Variants in ADCY9 observed in about 807,000 individuals in gnomAD.
ADCY9 encodes the protein adenylate cyclase type 9.
ADCY9 carries 50 observed loss-of-function variants against 101.5 expected under a neutral mutation model. The ratio of observed to expected loss-of-function variants is 0.49; its 90% CI spans 0.39 to 0.62. The LOEUF is 0.62. Among genes scored for constraint, ADCY9 ranks in the 20% least tolerant of loss-of-function variants. The pLI, the probability that ADCY9 is intolerant of heterozygous loss-of-function variation, is 0.00. For missense variants in ADCY9, 1,662 were observed against 1,800.4 expected (o/e 0.92, Z 1.39); for synonymous variants, 905 against 769.3 (o/e 1.18, Z -2.92).
At chr16:4,113,080 T>C (rs948137566) in intron 2 of ADCY9, among the ~76,000 whole-genome samples, 1 of 151,446 alleles carries the variant, frequency 6.6e-6, no homozygotes, top group African/African-American at 2.4e-5. Flanking sequence ...CTGGAGAAGC[T>C]CAATATGAAG....
At chr16:4,026,560 A>C (rs143437810) in intron 2 of ADCY9, among the ~76,000 whole-genome samples, 5 of 152,138 alleles carry the variant, frequency 3.3e-5, no homozygotes, top group African/African-American at 1.2e-4. Flanking sequence ...TAGCGGCACT[A>C]TTCATAATTG....
At chr16:4,046,579 A>C (rs902933042) in intron 2 of ADCY9, among the ~76,000 whole-genome samples, 6 of 152,186 alleles carry the variant, frequency 3.9e-5, no homozygotes, top group African/African-American at 1.4e-4. Flanking sequence ...AAACTTGTCT[A>C]CTTCATGAAA....
At chr16:4,087,955 C>G (rs1243838013) in intron 2 of ADCY9, among the ~76,000 whole-genome samples, 1 of 148,440 alleles carries the variant, frequency 6.7e-6, no homozygotes, top group East Asian at 2.0e-4. Context: ...TGTTTTTTTG[C>G]GACAGAGTCT....
At chr16:3,991,979 G>T (rs982350074) in intron 5 of ADCY9, among the ~76,000 whole-genome samples, 167 bp downstream of exon 5, 6 of 152,040 alleles carry the variant, frequency 3.9e-5, no homozygotes, top group African/African-American at 1.4e-4. Context: ...GCTGAGGCAG[G>T]AGCATCGTTT....
chr16:3,972,246 T>C (rs1374393588), intron 10 of ADCY9, among the ~76,000 whole-genome samples: 1 of 151,806 alleles, frequency 6.6e-6, no homozygotes, highest in Non-Finnish European at 1.5e-5. Flanking sequence ...TTTTTTTTTT[T>C]TGAGATGGAG....
At chr16:4,090,580 C>T (rs1023343510) in intron 2 of ADCY9, among the ~76,000 whole-genome samples, 1 of 152,038 alleles carries the variant, frequency 6.6e-6, no homozygotes, top group Non-Finnish European at 1.5e-5. Context: ...CAGGCAGAGT[C>T]CTGGCTGGGC....
chr16:4,016,675 C>T (rs1316610314), intron 2 of ADCY9, among the ~76,000 whole-genome samples: 2 of 152,114 alleles, frequency 1.3e-5, no homozygotes, highest in Non-Finnish European at 2.9e-5. Flanking sequence ...AAAGGGAATA[C>T]ACTGAAAATG....
chr16:4,094,536 C>T (rs1328436174), intron 2 of ADCY9, among the ~76,000 whole-genome samples: 7 of 151,994 alleles, frequency 4.6e-5, no homozygotes, highest in South Asian at 2.1e-4. Context: ...GGAGGCCAGG[C>T]GCTGTGGCTC....
chr16:4,033,280 A>G (rs2056568152), intron 2 of ADCY9, among the ~76,000 whole-genome samples: 1 of 152,216 alleles, frequency 6.6e-6, no homozygotes, highest in Non-Finnish European at 1.5e-5. Flanking sequence ...TTTATTATTT[A>G]TAACGGCTTG....
chr16:4,033,286 G>C (rs1196836491), intron 2 of ADCY9, among the ~76,000 whole-genome samples: 1 of 152,094 alleles, frequency 6.6e-6, no homozygotes, highest in East Asian at 1.9e-4. Context: ...ATTTATAACG[G>C]CTTGGAATCT....
At chr16:4,094,582 G>C (rs80109269) in intron 2 of ADCY9, among the ~76,000 whole-genome samples, 14,128 of 152,024 alleles carry the variant, frequency 0.093, 736 homozygotes, top group Middle Eastern at 0.15. Flanking sequence ...AGGCCAAAGT[G>C]GGACGATCGC....
At chr16:3,989,983 T>C (rs545375530) in intron 5 of ADCY9, among the ~76,000 whole-genome samples, 16 of 152,346 alleles carry the variant, frequency 1.1e-4, no homozygotes, top group South Asian at 2.1e-4. Flanking sequence ...TAAAGCTCAG[T>C]GATTTTAATA....
At chr16:4,034,667 C>T (rs1170971490) in intron 2 of ADCY9, among the ~76,000 whole-genome samples, 1 of 152,170 alleles carries the variant, frequency 6.6e-6, no homozygotes, top group Non-Finnish European at 1.5e-5. Flanking sequence ...GATCTGCCTA[C>T]CTCAGCCTCC....
chr16:3,974,130 C>T (rs1409361715), intron 10 of ADCY9, among the ~76,000 whole-genome samples: 2 of 152,196 alleles, frequency 1.3e-5, no homozygotes, highest in African/African-American at 4.8e-5. Flanking sequence ...CAAGCTCCGC[C>T]TCCCGGGTTC....
chr16:4,048,293 A>G (rs1230623870), intron 2 of ADCY9, among the ~76,000 whole-genome samples: 1 of 152,254 alleles, frequency 6.6e-6, no homozygotes, highest in Non-Finnish European at 1.5e-5. Context: ...AGTCTTTGTT[A>G]AAAGTAACCA....
rs2055958152 is a variant in ADCY9, at chr16:3,963,497, G to T, written c.*2278C>A. ...CACTGGCTGTTTAGGAAGGCTCAGG[G>T]TGTTTGAAAGACAACGTTAAGCTCT... On this transcript the variant is annotated 3_prime_UTR_variant, in exon 11 of 11. Transcript: ENST00000294016. 5 of 391,002 alleles carry T rather than the reference G, an allele frequency of 1.3e-5. No individual in the cohort carries two copies. In the East Asian group the frequency reaches 1.8e-4, roughly 14 times the overall value. The allele number at this position is 391,002 out of a possible 1,614,324, so 24.2% of individuals were successfully genotyped here. A position where few individuals can be genotyped will look rare whatever the true frequency, so the allele number is the denominator to read the frequency against.
At chr16:3,976,114 C>G (rs1056077145) in intron 9 of ADCY9, among the ~76,000 whole-genome samples, 1 of 152,140 alleles carries the variant, frequency 6.6e-6, no homozygotes, top group Non-Finnish European at 1.5e-5. Flanking sequence ...GCCTCAGCCT[C>G]CTGAGTAGCT....
intron 2 of ADCY9, among the ~76,000 whole-genome samples, chr16:4,084,982 C>A (rs1444409134): frequency 6.6e-6 from 1 of 152,166 alleles, no homozygotes; most frequent in Admixed American, 6.5e-5. Context: ...TCTTCAGACG[C>A]CTGTCTCTCC....
chr16:4,010,444 A>T (rs1285774076), intron 2 of ADCY9, among the ~76,000 whole-genome samples: 1 of 152,268 alleles, frequency 6.6e-6, no homozygotes, highest in South Asian at 2.1e-4. Flanking sequence ...CAAGCTGGGC[A>T]CGTGCCTCAA....
Sources: gnomAD v4.1 joint callset for allele counts (sites outside exome capture counted in the v4.1 genomes callset) on GRCh38, gnomAD v4.1.1 for gene constraint, MANE v1.5 for transcripts, NCBI Gene and HGNC (gene_info 2026-07-23, HGNC 2026-07-21) for gene names.